Variants in NR6A1 observed in about 807,000 individuals in gnomAD.
NR6A1 encodes nuclear receptor subfamily 6 group A member 1, also known as retinoic acid receptor-related testis-associated receptor.
A neutral mutation model predicts 59.1 loss-of-function variants in NR6A1; 7 were observed. The ratio of observed to expected loss-of-function variants is 0.12; its 90% confidence interval spans 0.07 to 0.22. NR6A1 has a LOEUF of 0.22. Among genes scored for constraint, NR6A1 ranks in the 10% least tolerant of loss-of-function variants. The pLI, the probability that NR6A1 is intolerant of heterozygous loss-of-function variation, is 1.00. For missense variants in NR6A1, 468 were observed against 611.6 expected (o/e 0.77, Z 2.48); for synonymous variants, 243 against 236.1 (o/e 1.03, Z -0.27).
intron 1 of NR6A1, among the ~76,000 whole-genome samples, chr9:124,767,606 A>G (rs1263330590): frequency 1.3e-5 from 2 of 151,834 alleles, no homozygotes; most frequent in African/African-American, 4.8e-5. Flanking sequence ...TTCTAATGGG[A>G]GTAGGAAAAA....
At chr9:124,581,282 C>G (rs756777917) in intron 2 of NR6A1, among the ~76,000 whole-genome samples, 1 of 152,134 alleles carries the variant, frequency 6.6e-6, no homozygotes, top group Non-Finnish European at 1.5e-5. Flanking sequence ...AACTAAAGAG[C>G]TTCTGCACAG....
At chr9:124,568,863 C>T (rs1385583286) in intron 2 of NR6A1, among the ~76,000 whole-genome samples, 1 of 151,828 alleles carries the variant, frequency 6.6e-6, no homozygotes, top group East Asian at 1.9e-4. Context: ...CCTGTAATCC[C>T]AGCACTTTGG....
chr9:124,610,166 G>A (rs1391085829), intron 2 of NR6A1, among the ~76,000 whole-genome samples: 1 of 152,050 alleles, frequency 6.6e-6, no homozygotes, highest in Non-Finnish European at 1.5e-5. Flanking sequence ...AAGGCATCCC[G>A]GTCTTTTGTC....
intron 2 of NR6A1, among the ~76,000 whole-genome samples, chr9:124,677,303 G>A (rs1342124035): frequency 6.6e-6 from 1 of 152,112 alleles, no homozygotes; most frequent in African/African-American, 2.4e-5. Context: ...TTGTCACGCA[G>A]GTTGGAGTGT....
At chr9:124,557,401 G>A (rs540647034) in intron 2 of NR6A1, among the ~76,000 whole-genome samples, 130 of 152,246 alleles carry the variant, frequency 8.5e-4, no homozygotes, top group African/African-American at 2.8e-3. Flanking sequence ...CCAAAGTTCT[G>A]GGATGACAGG....
chr9:124,594,756 G>T (rs557869485), intron 2 of NR6A1, among the ~76,000 whole-genome samples: 1 of 152,322 alleles, frequency 6.6e-6, no homozygotes, highest in East Asian at 1.9e-4. Flanking sequence ...TTACTAAAAA[G>T]AAGAATGCTA....
At chr9:124,604,626 T>G (rs1835528698) in intron 2 of NR6A1, among the ~76,000 whole-genome samples, 1 of 152,036 alleles carries the variant, frequency 6.6e-6, no homozygotes, top group African/African-American at 2.4e-5. Context: ...CTGGGCAATA[T>G]GGCAAAACCC....
chr9:124,724,133 G>A (rs1487587843), intron 2 of NR6A1, among the ~76,000 whole-genome samples: 2 of 151,918 alleles, frequency 1.3e-5, no homozygotes, highest in Non-Finnish European at 2.9e-5. Context: ...TCATGACTTG[G>A]GACAATGTTC....
intron 2 of NR6A1, among the ~76,000 whole-genome samples, chr9:124,676,695 A>G (rs1043017967): frequency 6.6e-6 from 1 of 152,202 alleles, no homozygotes; most frequent in Admixed American, 6.5e-5. Context: ...CAGTTTATAG[A>G]GTGATGATTA....
chr9:124,756,990 A>G (rs1840651628), intron 1 of NR6A1, among the ~76,000 whole-genome samples: 1 of 151,558 alleles, frequency 6.6e-6, no homozygotes, highest in Admixed American at 6.6e-5. Context: ...AGAATCAAAA[A>G]GAAAAAAAAA....
intron 8 of NR6A1, among the ~76,000 whole-genome samples, chr9:124,525,564 T>A (rs552703516): frequency 6.6e-6 from 1 of 152,032 alleles, no homozygotes; most frequent in Admixed American, 6.6e-5. Flanking sequence ...ACTACGTTGC[T>A]TGGGTTGGTC....
chr9:124,685,741 T>A (rs1838312582), intron 2 of NR6A1, among the ~76,000 whole-genome samples: 1 of 152,238 alleles, frequency 6.6e-6, no homozygotes, highest in Non-Finnish European at 1.5e-5. Context: ...TTATTTTCTA[T>A]TTATTCAACC....
intron 2 of NR6A1, among the ~76,000 whole-genome samples, chr9:124,705,729 T>C (rs778664882): frequency 3.3e-5 from 5 of 152,126 alleles, no homozygotes; most frequent in Admixed American, 6.6e-5. Flanking sequence ...TCTGCTTCTA[T>C]TGTATCATCT....
At chr9:124,538,402 G>A in intron 5 of NR6A1, 83 bp from the exon 6 acceptor site, 1 of 1,038,700 alleles carries the variant, frequency 9.6e-7, no homozygotes, top group South Asian at 1.5e-5. Flanking sequence ...GGTGACTTTA[G>A]GTATTCTTTG....
chr9:124,628,015 C>CTT (rs1344446416), intron 2 of NR6A1, among the ~76,000 whole-genome samples: 1 of 142,036 alleles, frequency 7.0e-6, no homozygotes, highest in Non-Finnish European at 1.5e-5. Flanking sequence ...TTGGCCTTTG[C>CTT]TTTTGTTGTT....
chr9:124,626,806 C>T (rs1488298243), intron 2 of NR6A1, among the ~76,000 whole-genome samples: 4 of 152,066 alleles, frequency 2.6e-5, no homozygotes, highest in Non-Finnish European at 4.4e-5. Flanking sequence ...TAGGGGCACA[C>T]GCCTGTAATC....
At chr9:124,617,398 C>G (rs1418469409) in intron 2 of NR6A1, among the ~76,000 whole-genome samples, 1 of 152,184 alleles carries the variant, frequency 6.6e-6, no homozygotes, top group Non-Finnish European at 1.5e-5. Context: ...ATTTCAGCAG[C>G]TGTAAGCCAG....
chr9:124,681,434 C>CG (rs919996577), intron 2 of NR6A1, among the ~76,000 whole-genome samples: 2 of 149,808 alleles, frequency 1.3e-5, no homozygotes, highest in African/African-American at 4.9e-5. Context: ...CTCCACCTTC[C>CG]GGGTTCAGGC....
At chr9:124,523,020 C>G (rs540812139) in intron 9 of NR6A1, among the ~76,000 whole-genome samples, 16 of 152,136 alleles carry the variant, frequency 1.1e-4, no homozygotes, top group Non-Finnish European at 1.5e-4. Flanking sequence ...CATCATTCTA[C>G]TACTCAGGGA....
Sources: allele counts gnomAD v4.1 joint callset (sites outside exome capture counted in the v4.1 genomes callset), GRCh38; gene constraint gnomAD v4.1.1; transcripts MANE v1.5; gene names NCBI Gene and HGNC (gene_info 2026-07-23, HGNC 2026-07-21).